The following ZNF891 variants were observed in gnomAD, a reference collection of about 807,000 sequenced individuals.
The protein encoded by ZNF891 is zinc finger protein 891, also known as hCG1646157.
For synonymous variants in ZNF891, 199 were observed against 209.0 expected (o/e 0.95, Z 0.41); for missense variants, 589 against 632.7 (o/e 0.93, Z 0.74).
chr12:133,121,778 A>G lies in ZNF891; in HGVS notation c.141T>C (p.Asp47=). 6.5e-7 allele frequency: 1 copy of G among 1,536,942 alleles called. No individual in the cohort carries two copies. ...CCTCCTGAGTGAACTCCACAGCTAC[A>G]TCTTTGAAAGTCATTGGTTCCTGTA... The part of the protein sequence containing the change: ...TWLQEPMTFK[D]VAVEFTQEEW... Residue 47 remains aspartate, a synonymous_variant, in exon 2 of 2, where the codon GAT becomes GAC. Transcript: ENST00000537226.
At chr12:133,124,716 G>A (rs986043644) in intron 1 of ZNF891, among the ~76,000 whole-genome samples, 2 of 145,122 alleles carry the variant, frequency 1.4e-5, no homozygotes, top group Non-Finnish European at 3.0e-5. Flanking sequence ...GAATTCAATC[G>A]TATGCTAAAG....
intron 1 of ZNF891, among the ~76,000 whole-genome samples, chr12:133,129,174 G>A (rs907887642): frequency 2.0e-5 from 3 of 151,986 alleles, no homozygotes; most frequent in African/African-American, 4.8e-5. Flanking sequence ...AACAGAATAC[G>A]AACTAAAAAA....
rs201820299 is a variant in ZNF891, at chr12:133,105,508, A to G, written c.*14776T>C. 394 of 1,574,378 alleles carry G rather than the reference A, an allele frequency of 2.5e-4. 1 individual carries two copies. Among genetic ancestry groups the G allele is most frequent in the Non-Finnish European group, 2.4e-4 (285 of 1,163,962 alleles). ...ATTCACTTTTTTTTTGGTATCTTTC[A>G]GTTTCAGAGTCAAGTGGTGAGATCA... On this transcript the variant is annotated 3_prime_UTR_variant, in exon 2 of 2. Coordinates refer to ENST00000537226, the MANE Select transcript of ZNF891 (RefSeq NM_001277291.2).
chr12:133,125,879 GAGA>G (rs1593830774), intron 1 of ZNF891: 1 of 500,632 alleles, frequency 2.0e-6, no homozygotes, highest in African/African-American at 1.9e-5. Flanking sequence ...GCCTGATGGA[GAGA>G]AGAAGGCATA....
Position 133,106,827 on chromosome 12 carries a change from A to G in ZNF891, c.*13457T>C, listed in dbSNP as rs2137600083. The G allele has an allele frequency of 2.0e-6, 1 of 498,654 alleles. No homozygotes were observed. Among genetic ancestry groups the G allele is most frequent in the South Asian group, 4.4e-5 (1 of 22,720 alleles). 30.9% of individuals were successfully genotyped at this position (498,654 alleles called of 1,614,324 possible). ...AAAAAAACCCAGGAATATGTGGAAAAGCCATTAATAACCACTCTTTTATTT... is the reference window on the plus strand; with the variant it reads ...AAAAAAACCCAGGAATATGTGGAAAGGCCATTAATAACCACTCTTTTATTT... On this transcript the variant is annotated 3_prime_UTR_variant, in exon 2 of 2. Transcript: ENST00000537226.
Position 133,105,917 on chromosome 12 carries a change from A to G in ZNF891, c.*14367T>C. On this transcript the variant is annotated 3_prime_UTR_variant, in exon 2 of 2. Coordinates refer to ENST00000537226, the MANE Select transcript of ZNF891 (RefSeq NM_001277291.2). ...GAAACACCAAATGATACATACTGGAAAGAAACCCCATGAGTGTAAGGACTG... is the reference window on the plus strand; with the variant it reads ...GAAACACCAAATGATACATACTGGAGAGAAACCCCATGAGTGTAAGGACTG... 6.2e-7 allele frequency: 1 copy of G among 1,614,190 alleles called. No individual in the cohort carries two copies. The highest frequency in any genetic ancestry group is 8.5e-7 in the Non-Finnish European group (1 of 1,180,028).
chr12:133,109,312 A>C lies in ZNF891; in HGVS notation c.*10972T>G, dbSNP rs984882868. 3.9e-5 allele frequency: 6 copies of C among 152,226 alleles called. No individual in the cohort carries two copies. The highest frequency in any genetic ancestry group is 6.5e-5 in the Admixed American group (1 of 15,282). 9.4% of individuals were successfully genotyped at this position (152,226 alleles called of 1,614,324 possible). On this transcript the variant is annotated 3_prime_UTR_variant, in exon 2 of 2. Coordinates refer to ENST00000537226, the MANE Select transcript of ZNF891 (RefSeq NM_001277291.2). ...GAAAGTAAGATCCCAATTTCAGTAG[A>C]GATCATAGGATCTTGGCATGGGAGG...
intron 1 of ZNF891, chr12:133,125,606 T>C (rs182875894): frequency 1.1e-4 from 25 of 233,052 alleles, no homozygotes; most frequent in Admixed American, 4.6e-4. Flanking sequence ...GATCCGCATG[T>C]CACCCATCTT....
rs142149303 is a variant in ZNF891, at chr12:133,106,208, C to G, written c.*14076G>C. 1 of 1,614,100 alleles carries G rather than the reference C, an allele frequency of 6.2e-7. No individual in the cohort carries two copies. Among genetic ancestry groups the G allele is most frequent in the Non-Finnish European group, 8.5e-7 (1 of 1,180,016 alleles). On this transcript the variant is annotated 3_prime_UTR_variant, in exon 2 of 2. Coordinates refer to ENST00000537226, the MANE Select transcript of ZNF891 (RefSeq NM_001277291.2). ...ATGCATTGAATGTGGGAAGGCATTTCGCCGTTTCTCACACCTTACTCGACA... is the reference window on the plus strand; with the variant it reads ...ATGCATTGAATGTGGGAAGGCATTTGGCCGTTTCTCACACCTTACTCGACA...
rs1274107246 is a variant in ZNF891, at chr12:133,112,745, T to C, written c.*7539A>G. The C allele has an allele frequency of 6.6e-6, 1 of 152,216 alleles. No individual in the cohort carries two copies. Among genetic ancestry groups the C allele is most frequent in the Non-Finnish European group, 1.5e-5 (1 of 68,040 alleles). The allele number at this position is 152,216 out of a possible 1,614,324, so 9.4% of individuals were successfully genotyped here. On this transcript the variant is annotated 3_prime_UTR_variant, in exon 2 of 2. Transcript: ENST00000537226. ...AAGTATCCACACCCTTTATCAACAC[T>C]TTCAAAAAGTTTGCCTTTAAAAAGT...
In ZNF891 at chr12:133,111,567, A is replaced by G. The variant is rs193024592; in HGVS notation, c.*8717T>C. On this transcript the variant is annotated 3_prime_UTR_variant, in exon 2 of 2. Coordinates refer to ENST00000537226, the MANE Select transcript of ZNF891 (RefSeq NM_001277291.2). ...AAATTCTGCATCATGAACACCCTCA[A>G]TATCACAAAGGACAAAATTGCATGG... 1.3e-5 allele frequency: 2 copies of G among 152,230 alleles called. No individual in the cohort carries two copies. The highest frequency in any genetic ancestry group is 4.8e-5 in the African/African-American group (2 of 41,458). 9.4% of individuals were successfully genotyped at this position (152,230 alleles called of 1,614,324 possible).
At position 133,121,828 on chromosome 12, in the gene ZNF891, T is replaced by C. The variant is rs1955764603; in HGVS notation, c.91A>G (p.Ile31Val). ...AACCAGGTTGTCAGAAATACAGCAA[T>C]CATCCTTTCCTCTTCAGCATTTCTC... ...HLRNAEEERMIAVFLTTWLQE... is the reference protein window; with the variant it reads ...HLRNAEEERMVAVFLTTWLQE... Residue 31 changes from isoleucine (I) to valine (V), a missense_variant, in exon 2 of 2, where the codon ATT becomes GTT. Coordinates refer to ENST00000537226, the MANE Select transcript of ZNF891 (RefSeq NM_001277291.2). 11 of 1,536,606 alleles carry C rather than the reference T, an allele frequency of 7.2e-6. No homozygotes were observed. Among genetic ancestry groups the C allele is most frequent in the Non-Finnish European group, 8.7e-6 (10 of 1,147,016 alleles).
chr12:133,127,865 A>G (rs1955832167), intron 1 of ZNF891, among the ~76,000 whole-genome samples: 1 of 152,224 alleles, frequency 6.6e-6, no homozygotes, highest in South Asian at 2.1e-4. Flanking sequence ...ACCAAAAGAC[A>G]TTTTACATAG....
chr12:133,129,522 A>AAT (rs1955853426), intron 1 of ZNF891, among the ~76,000 whole-genome samples: 1 of 150,710 alleles, frequency 6.6e-6, no homozygotes, highest in African/African-American at 2.4e-5. Context: ...AAAAAAAAAA[A>AAT]TTGAGTCAGA....
intron 1 of ZNF891, among the ~76,000 whole-genome samples, chr12:133,124,371 A>G (rs1955794179): frequency 6.6e-6 from 1 of 152,170 alleles, no homozygotes; most frequent in African/African-American, 2.4e-5. Context: ...AAGAGGAGAA[A>G]AAAGGGAACA....
rs763280574 is a variant in ZNF891 at position 133,106,548 on chromosome 12, G to A, written c.*13736C>T. 1.2e-6 allele frequency: 2 copies of A among 1,613,900 alleles called. No homozygotes were observed. Among genetic ancestry groups the A allele is most frequent in the Non-Finnish European group, 1.7e-6 (2 of 1,179,992 alleles). ...AAGGTATGCAACAAATCCTTCAGCTGGAGCTCAAACCTTGCTAAACATCAG... is the reference window on the plus strand; with the variant it reads ...AAGGTATGCAACAAATCCTTCAGCTAGAGCTCAAACCTTGCTAAACATCAG... On this transcript the variant is annotated 3_prime_UTR_variant, in exon 2 of 2. Coordinates refer to ENST00000537226, the MANE Select transcript of ZNF891 (RefSeq NM_001277291.2).
Position 133,116,614 on chromosome 12 carries a change from CCT to C in ZNF891, c.*3668_*3669del, listed in dbSNP as rs576396864. ...AATTTTGTTTTCACTGGTCATAGCC[CCT>C]GATCTGGTCTTTTTTCCTCTATCAA... On this transcript the variant is annotated 3_prime_UTR_variant, in exon 2 of 2. Transcript: ENST00000537226. 7.6e-4 allele frequency: 116 copies of C among 152,294 alleles called. No homozygotes were observed. The highest frequency in any genetic ancestry group is 2.7e-3 in the African/African-American group (112 of 41,526). The allele number at this position is 152,294 out of a possible 1,614,324, so 9.4% of individuals were successfully genotyped here.
rs1370651040 is a variant in ZNF891 at position 133,121,801 on chromosome 12, G to C, written c.118C>G (p.Gln40Glu). The C allele has an allele frequency of 6.5e-7, 1 of 1,536,790 alleles. No individual in the cohort carries two copies. Among genetic ancestry groups the C allele is most frequent in the Admixed American group, 2.0e-5 (1 of 51,008 alleles). ...ACATCTTTGAAAGTCATTGGTTCCT[G>C]TAACCAGGTTGTCAGAAATACAGCA... ...MIAVFLTTWLQEPMTFKDVAV... is the reference protein window; with the variant it reads ...MIAVFLTTWLEEPMTFKDVAV... Residue 40 changes from glutamine (Q) to glutamate (E), a missense_variant, in exon 2 of 2, where the codon CAG becomes GAG. Physicochemically the swap from Gln to Glu is conservative, Grantham distance 29 (BLOSUM62 2). Transcript: ENST00000537226.
intron 1 of ZNF891, among the ~76,000 whole-genome samples, chr12:133,128,558 C>T (rs575797458): frequency 1.9e-4 from 29 of 152,244 alleles, no homozygotes; most frequent in African/African-American, 6.3e-4. Flanking sequence ...GGCTTGAACC[C>T]GGGATGTGGA....
Sources: gnomAD v4.1 joint callset for allele counts (sites outside exome capture counted in the v4.1 genomes callset) on GRCh38, gnomAD v4.1.1 for gene constraint, MANE v1.5 for transcripts, NCBI Gene and HGNC (gene_info 2026-07-23, HGNC 2026-07-21) for gene names.